Variants in FAAH2 observed in about 807,000 individuals in gnomAD.
FAAH2 encodes the protein fatty-acid amide hydrolase 2.
FAAH2 carries 60 observed loss-of-function variants against 36.9 expected under a neutral mutation model. The ratio of observed to expected loss-of-function variants is 1.63; its 90% CI spans 1.32 to 2.02. FAAH2 has a LOEUF of 2.02. Among genes scored for constraint, FAAH2 ranks in the 30% most tolerant of loss-of-function variants. FAAH2 has a pLI of 0.00. For missense variants in FAAH2, 689 were observed against 397.5 expected (o/e 1.73, Z -6.23); for synonymous variants, 214 against 143.8 (o/e 1.49, Z -3.49).
chrX:57,226,457 G>C, the FAAH2 span, among the ~76,000 whole-genome samples: 1 of 111,870 alleles, frequency 8.9e-6, no homozygotes, highest in African/African-American at 3.2e-5. Context: ...TGTTTTGTTT[G>C]AGAAGGCTGA....
the FAAH2 span, among the ~76,000 whole-genome samples, chrX:57,279,976 G>A: frequency 6.3e-5 from 7 of 111,759 alleles, no homozygotes; most frequent in Non-Finnish European, 1.1e-4. Context: ...ACATAGTATT[G>A]GGAGTTCTAG....
At position 57,331,507 on chromosome X, in the gene FAAH2, G is replaced by A. The variant is rs2053404743; in HGVS notation, c.413-91G>A. 16 of 710,716 alleles carry A rather than the reference G, an allele frequency of 2.3e-5. No homozygotes were observed. In the South Asian group the frequency reaches 4.2e-4, roughly 19 times the overall value. The allele number at this position is 710,716 out of a possible 1,213,427, so 58.6% of individuals were successfully genotyped here. A position where few individuals can be genotyped will look rare whatever the true frequency, so the allele number is the denominator to read the frequency against. On this transcript the variant is annotated intron_variant, in intron 3 of 10. Coordinates refer to ENST00000374900, the MANE Select transcript of FAAH2 (RefSeq NM_174912.4). ...ACCCTTTGTGGGAGATGTTCCTTCT[G>A]GCTACATCTAGTTGGCCATCTTGCC...
chrX:57,150,844 T>G, the FAAH2 span, among the ~76,000 whole-genome samples: 3 of 112,319 alleles, frequency 2.7e-5, no homozygotes, highest in East Asian at 8.3e-4. Flanking sequence ...TGATGCAGTT[T>G]CTGCCTAGCC....
chrX:57,462,193 G>T (rs2056972040), intron 10 of FAAH2, among the ~76,000 whole-genome samples: 1 of 95,283 alleles, frequency 1.0e-5, no homozygotes, highest in African/African-American at 3.6e-5. Flanking sequence ...AAAAACCCAG[G>T]ACCAGACGCA....
At chrX:57,266,439 T>TGGG in the FAAH2 span, among the ~76,000 whole-genome samples, 1 of 112,454 alleles carries the variant, frequency 8.9e-6, no homozygotes, top group African/African-American at 3.2e-5. Flanking sequence ...CCTCCATGCC[T>TGGG]GGGCCTACAG....
the FAAH2 span, among the ~76,000 whole-genome samples, chrX:57,201,042 C>T: frequency 2.0e-5 from 2 of 98,016 alleles, no homozygotes; most frequent in African/African-American, 8.3e-5. Context: ...TTATGCTATG[C>T]TAGGGTAAAA....
At chrX:57,311,080 C>T (rs56135802) in intron 3 of FAAH2, among the ~76,000 whole-genome samples, 2,139 of 112,134 alleles carry the variant, frequency 0.019, 14 homozygotes, top group Non-Finnish European at 0.026. Flanking sequence ...AATACCTGTG[C>T]TTTCTCTGTA....
At chrX:57,252,200 C>T in the FAAH2 span, among the ~76,000 whole-genome samples, 1 of 112,356 alleles carries the variant, frequency 8.9e-6, no homozygotes, top group Non-Finnish European at 1.9e-5. Flanking sequence ...CTTGAGAAGG[C>T]GGTTCTATGC....
intron 5 of FAAH2, among the ~76,000 whole-genome samples, chrX:57,362,893 A>C: frequency 9.0e-6 from 1 of 111,488 alleles, no homozygotes. Flanking sequence ...TATAGATTTG[A>C]AGCTTTATTT....
intron 7 of FAAH2, among the ~76,000 whole-genome samples, chrX:57,420,381 C>A (rs187701422): frequency 9.0e-6 from 1 of 111,352 alleles, no homozygotes; most frequent in African/African-American, 3.3e-5. Context: ...TTGTTTGTAT[C>A]CTCTTTTATT....
At position 57,443,245 on chromosome X, in the gene FAAH2, C is replaced by A. The variant is rs531481522; in HGVS notation, c.1117-3683C>A. ...CCATTCTCACCGTCACTTTCAGGTA[C>A]ACCAATCAGATGTAGATTTGGTCTT... On this transcript the variant is annotated intron_variant, in intron 8 of 10. Transcript: ENST00000374900. 2.7e-5 allele frequency among the ~76,000 whole-genome samples: 3 copies of A among 112,021 alleles called. No homozygotes were observed. The South Asian group carries it at 1.1e-3, about 42-fold the overall frequency.
intron 10 of FAAH2, among the ~76,000 whole-genome samples, chrX:57,467,887 C>G (rs904840909): frequency 1.8e-5 from 2 of 111,654 alleles, no homozygotes; most frequent in Admixed American, 9.5e-5. Flanking sequence ...CTGGGTACCC[C>G]TCTGAGATGA....
the FAAH2 span, among the ~76,000 whole-genome samples, chrX:57,228,658 A>G: frequency 4.5e-5 from 5 of 111,134 alleles, no homozygotes; most frequent in South Asian, 1.5e-3. Flanking sequence ...CCTACCTCCC[A>G]TCAAATTTAC....
intron 5 of FAAH2, among the ~76,000 whole-genome samples, chrX:57,355,831 A>G (rs949327590): frequency 9.0e-6 from 1 of 110,989 alleles, no homozygotes; most frequent in African/African-American, 3.3e-5. Flanking sequence ...TATTGGATAG[A>G]TGGGGCAAGA....
At chrX:57,358,130 A>G (rs12009130) in intron 5 of FAAH2, among the ~76,000 whole-genome samples, 231 of 107,808 alleles carry the variant, frequency 2.1e-3, no homozygotes, top group African/African-American at 7.1e-3. Context: ...CCTTGAGGTG[A>G]AAAGTTAGGT....
intron 2 of FAAH2, among the ~76,000 whole-genome samples, chrX:57,300,379 G>A (rs1358614124): frequency 8.9e-6 from 1 of 111,811 alleles, no homozygotes; most frequent in African/African-American, 3.3e-5. Flanking sequence ...TTTAATAAAT[G>A]GTTCTGTGAA....
At chrX:57,176,005 T>A in the FAAH2 span, among the ~76,000 whole-genome samples, 1 of 111,685 alleles carries the variant, frequency 9.0e-6, no homozygotes, top group African/African-American at 3.2e-5. Context: ...TTTTAGAATT[T>A]TTTTTCCTTC....
chrX:57,374,951 G>T (rs562353037), intron 5 of FAAH2, among the ~76,000 whole-genome samples: 1 of 111,473 alleles, frequency 9.0e-6, no homozygotes. Flanking sequence ...GCTTTTCTGC[G>T]TCTATCAAGA....
At chrX:57,179,580 A>T in the FAAH2 span, among the ~76,000 whole-genome samples, 2 of 112,176 alleles carry the variant, frequency 1.8e-5, no homozygotes, top group African/African-American at 6.5e-5. Flanking sequence ...TATTATAAAC[A>T]CATATGCACC....
Sources: allele counts gnomAD v4.1 joint callset (sites outside exome capture counted in the v4.1 genomes callset), GRCh38; gene constraint gnomAD v4.1.1; transcripts MANE v1.5; gene names NCBI Gene and HGNC (gene_info 2026-07-23, HGNC 2026-07-21).